The following SLC9A9 variants were observed in gnomAD, a reference collection of about 807,000 sequenced individuals.
The protein encoded by SLC9A9 is sodium/hydrogen exchanger 9.
In SLC9A9, 62 loss-of-function variants were observed where a neutral mutation model predicts 77.8. That is an observed-to-expected ratio of 0.80 (90% CI 0.65 to 0.98). The LOEUF is 0.98. Ranked by LOEUF, SLC9A9 falls within the 50% of genes least tolerant of loss-of-function variation. SLC9A9 has a pLI of 0.00. For synonymous variants in SLC9A9, 320 were observed against 283.5 expected (o/e 1.13, Z -1.29); for missense variants, 775 against 774.9 (o/e 1.00, Z 0.00).
At chr3:143,819,578 T>C (rs1393655942) in intron 2 of SLC9A9, among the ~76,000 whole-genome samples, 4 of 152,202 alleles carry the variant, frequency 2.6e-5, no homozygotes, top group Admixed American at 6.5e-5. Context: ...TATGGAATAA[T>C]GGTGAGATTG....
chr3:143,616,129 C>A (rs185985372), intron 6 of SLC9A9, among the ~76,000 whole-genome samples: 3 of 152,142 alleles, frequency 2.0e-5, no homozygotes, highest in Admixed American at 2.0e-4. Context: ...GTGATCCGCC[C>A]GCCTCGGCCT....
At chr3:143,581,515 C>T (rs1170116011) in intron 6 of SLC9A9, among the ~76,000 whole-genome samples, 1 of 152,026 alleles carries the variant, frequency 6.6e-6, no homozygotes, top group East Asian at 1.9e-4. Flanking sequence ...TCCCTCCCTT[C>T]CTTCCTTCTT....
chr3:143,271,704 G>A (rs561636676), intron 14 of SLC9A9, among the ~76,000 whole-genome samples: 8 of 152,154 alleles, frequency 5.3e-5, no homozygotes, highest in Non-Finnish European at 1.2e-4. Flanking sequence ...CTAGCATGAG[G>A]TGGTGAGTGA....
At chr3:143,661,202 C>G (rs527805181) in intron 5 of SLC9A9, among the ~76,000 whole-genome samples, 2 of 152,128 alleles carry the variant, frequency 1.3e-5, no homozygotes, top group African/African-American at 4.8e-5. Flanking sequence ...GCAGCTCTCA[C>G]CATAGAAGCA....
chr3:143,553,747 C>G (rs527635529), intron 8 of SLC9A9, among the ~76,000 whole-genome samples: 11 of 152,212 alleles, frequency 7.2e-5, no homozygotes, highest in African/African-American at 2.4e-4. Context: ...AAGAATAAAA[C>G]AAGTAGGAAA....
chr3:143,700,920 T>A (rs539919471), intron 4 of SLC9A9, among the ~76,000 whole-genome samples: 1 of 152,326 alleles, frequency 6.6e-6, no homozygotes, highest in African/African-American at 2.4e-5. Flanking sequence ...GGGGTACTTG[T>A]TTCACCTCAA....
chr3:143,571,865 G>T (rs1489755153), intron 8 of SLC9A9, among the ~76,000 whole-genome samples: 1 of 152,210 alleles, frequency 6.6e-6, no homozygotes. Context: ...AATAGGCAAG[G>T]ATTAAATAAT....
chr3:143,577,078 T>C (rs1334570843), intron 7 of SLC9A9, among the ~76,000 whole-genome samples: 2 of 152,206 alleles, frequency 1.3e-5, no homozygotes, highest in Non-Finnish European at 2.9e-5. Flanking sequence ...CTCCTTCCTC[T>C]GATTCATCCT....
intron 14 of SLC9A9, among the ~76,000 whole-genome samples, chr3:143,278,553 C>T (rs887519139): frequency 2.0e-5 from 3 of 152,206 alleles, no homozygotes; most frequent in African/African-American, 4.8e-5. Flanking sequence ...CTGAGGCCAG[C>T]AATCCTTGGT....
At chr3:143,356,916 G>A (rs2032608369) in intron 14 of SLC9A9, among the ~76,000 whole-genome samples, 1 of 152,148 alleles carries the variant, frequency 6.6e-6, no homozygotes, top group Non-Finnish European at 1.5e-5. Flanking sequence ...ATGACCAAAA[G>A]CCAACCTAAA....
intron 6 of SLC9A9, among the ~76,000 whole-genome samples, chr3:143,579,688 G>C (rs2037422015): frequency 6.6e-6 from 1 of 152,072 alleles, no homozygotes; most frequent in South Asian, 2.1e-4. Context: ...GTGGGTTTTG[G>C]AAGAAACTCC....
chr3:143,410,259 C>G (rs2034067170), intron 12 of SLC9A9, among the ~76,000 whole-genome samples: 1 of 152,132 alleles, frequency 6.6e-6, no homozygotes, highest in Admixed American at 6.5e-5. Flanking sequence ...CTAACTGCAG[C>G]CCTGTACTGG....
chr3:143,428,371 C>T (rs772905280), intron 12 of SLC9A9, among the ~76,000 whole-genome samples: 25 of 152,098 alleles, frequency 1.6e-4, no homozygotes, highest in Non-Finnish European at 2.5e-4. Context: ...ATCAAAACCA[C>T]GATGAGATAT....
chr3:143,837,396 C>A (rs1014810099), intron 1 of SLC9A9, among the ~76,000 whole-genome samples: 1 of 152,154 alleles, frequency 6.6e-6, no homozygotes, highest in Non-Finnish European at 1.5e-5. Flanking sequence ...ATGTAGTTAC[C>A]ACATGAAGAT....
intron 14 of SLC9A9, among the ~76,000 whole-genome samples, chr3:143,338,940 G>T (rs1377971078): frequency 6.6e-6 from 1 of 152,176 alleles, no homozygotes; most frequent in African/African-American, 2.4e-5. Flanking sequence ...TTACATAAAA[G>T]AATGTTATGT....
intron 14 of SLC9A9, among the ~76,000 whole-genome samples, chr3:143,284,523 C>T (rs897835637): frequency 6.6e-6 from 1 of 151,692 alleles, no homozygotes; most frequent in Non-Finnish European, 1.5e-5. Flanking sequence ...GAGAATTTTC[C>T]CTCATTTATA....
intron 4 of SLC9A9, among the ~76,000 whole-genome samples, chr3:143,751,787 G>A (rs373698453): frequency 6.6e-6 from 1 of 152,224 alleles, no homozygotes; most frequent in East Asian, 1.9e-4. Flanking sequence ...ACAGGCAAAT[G>A]CTGAAAGGAA....
intron 6 of SLC9A9, among the ~76,000 whole-genome samples, chr3:143,633,557 C>A (rs1461155393): frequency 6.6e-6 from 1 of 151,996 alleles, no homozygotes; most frequent in Non-Finnish European, 1.5e-5. Flanking sequence ...TGACTATTTA[C>A]ATTTTTTTGT....
intron 4 of SLC9A9, among the ~76,000 whole-genome samples, chr3:143,787,726 G>A (rs897307528): frequency 6.6e-6 from 1 of 152,042 alleles, no homozygotes; most frequent in East Asian, 1.9e-4. Flanking sequence ...TTGCTATTGT[G>A]AAGTGTTGCT....
Sources: allele counts gnomAD v4.1 joint callset (sites outside exome capture counted in the v4.1 genomes callset), GRCh38; gene constraint gnomAD v4.1.1; transcripts MANE v1.5; gene names NCBI Gene and HGNC (gene_info 2026-07-23, HGNC 2026-07-21).